TTN: variants seen among roughly 807,000 people sequenced by gnomAD.
TTN encodes connectin.
In TTN, 1,525 loss-of-function variants were observed where a neutral mutation model predicts 3,223.0. The observed-to-expected ratio is 0.47, with a 90% confidence interval of 0.45 to 0.49. The LOEUF is 0.49. Ranked by LOEUF, TTN falls within the 20% of genes least tolerant of loss-of-function variation. The pLI, the probability that TTN is intolerant of heterozygous loss-of-function variation, is 0.00. For missense variants in TTN, 40,786 were observed against 43,424.0 expected, an observed-to-expected ratio of 0.94 and a Z score of 5.40; for synonymous variants, 14,094 against 15,161.0, an observed-to-expected ratio of 0.93 and a Z score of 5.17.
chr2:178,784,044 G>T, intron 16 of TTN, 26 bp downstream of exon 16: 1 of 1,611,832 alleles, frequency 6.2e-7, no homozygotes, highest in Non-Finnish European at 8.5e-7. Flanking sequence ...AGTGGACCAT[G>T]TAACAGCGGG....
At position 178,778,932 on chromosome 2, in the gene TTN, C is replaced by G. The variant is rs144609506; in HGVS notation, c.4150G>C (p.Ala1384Pro). Residue 1384 changes from alanine (A) to proline (P), a missense_variant, in exon 24 of 363, where the codon GCT (alanine) becomes CCT (proline). Ala to Pro is a conservative substitution (Grantham distance 27). Transcript: ENST00000589042. The part of the protein sequence containing the change: ...ICSGKLYVEP[A>P]APLGAPTYIP... ...TAAGTCGGAGCTCCAAGTGGTGCAG[C>G]AGGCTCCACATACAATTTCCCTGAG... The G allele has an allele frequency of 6.2e-7, 1 of 1,613,896 alleles. No homozygotes were observed. The highest frequency in any genetic ancestry group is 1.7e-5 in the Admixed American group (1 of 59,996).
Position 178,612,766 on chromosome 2 carries a change from G to A in TTN, c.49948+7C>T. 8 of 1,605,776 alleles carry A rather than the reference G, an allele frequency of 5.0e-6. No homozygotes were observed. The South Asian group carries it at 7.8e-5, about 16-fold the overall frequency. ...TTTATATATCCCAGACATCAAGAGTGACTTACATAGCTTCTCCCGGCAAAG... is the reference window on the plus strand; with the variant it reads ...TTTATATATCCCAGACATCAAGAGTAACTTACATAGCTTCTCCCGGCAAAG... On this transcript the variant is annotated splice_region_variant and intron_variant, in intron 265 of 362. Coordinates refer to ENST00000589042, the MANE Select transcript of TTN (RefSeq NM_001267550.2).
intron 78 of TTN, 108 bp downstream of exon 78, chr2:178,721,739 C>T (rs1348974567): frequency 3.2e-6 from 4 of 1,232,760 alleles, no homozygotes; most frequent in African/African-American, 1.5e-5. Context: ...CAAATTCTAA[C>T]ATGTCCAGTT....
In TTN at chr2:178,678,400, A is replaced by C. The variant is rs370358852; in HGVS notation, c.33910+14T>G. 3.2e-6 allele frequency: 5 copies of C among 1,574,962 alleles called. No individual in the cohort carries two copies. In the African/African-American group the frequency reaches 6.8e-5, roughly 21 times the overall value. ...TTTTTTCCCCCAAGTACTCTAAGTGATGAAATTATGTACCTTTTGCAGGTG... is the reference window on the plus strand; with the variant it reads ...TTTTTTCCCCCAAGTACTCTAAGTGCTGAAATTATGTACCTTTTGCAGGTG... On this transcript the variant is annotated intron_variant, in intron 144 of 362. Coordinates refer to ENST00000589042, the MANE Select transcript of TTN (RefSeq NM_001267550.2).
At position 178,564,514 on chromosome 2, in the gene TTN, A is replaced by T; in HGVS notation, c.81618T>A (p.Ile27206=). The T allele has an allele frequency of 6.2e-7, 1 of 1,612,720 alleles. No homozygotes were observed. Among genetic ancestry groups the T allele is most frequent in the Non-Finnish European group, 8.5e-7 (1 of 1,179,302 alleles). The change falls in exon 326 of 363, where the codon ATT becomes ATA. Residue 27206 remains isoleucine (I), a synonymous_variant. Coordinates refer to ENST00000589042, the MANE Select transcript of TTN (RefSeq NM_001267550.2). ...CATCAGGTAGATCTTTCTTTTCTAC[A>T]ATATAACCTGTTATTTTGCTACCAC... ...YDGGSKITGY[I]VEKKDLPDGR... is the part of the protein sequence containing the mutation.
At position 178,578,958 on chromosome 2, in the gene TTN, C is replaced by T; in HGVS notation, c.68072G>A (p.Trp22691Ter). 2 of 1,613,190 alleles carry T rather than the reference C, an allele frequency of 1.2e-6. No homozygotes were observed. Among genetic ancestry groups the T allele is most frequent in the Non-Finnish European group, 1.7e-6 (2 of 1,179,482 alleles). The change falls in exon 320 of 363, where the codon TGG (tryptophan) becomes TAG (stop). Residue 22691 changes from tryptophan (W) to a stop codon, truncating the protein, a stop_gained. Coordinates refer to ENST00000589042, the MANE Select transcript of TTN (RefSeq NM_001267550.2). LOFTEE classifies it high-confidence loss of function. ...CTGGACAGCTGAGGCGCACGTCACC[C>T]ACTTGTTGTTCACAGAATCCCTCTT... ...LEKRDSVNNK[W>*]VTCASAVQKT...
chr2:178,546,674 A>G lies in TTN; in HGVS notation c.94754T>C (p.Leu31585Ser). The G allele has an allele frequency of 6.2e-7, 1 of 1,613,780 alleles. No homozygotes were observed. The highest frequency in any genetic ancestry group is 1.1e-5 in the South Asian group (1 of 91,072). Residue 31585 changes from leucine to serine, a missense_variant, in exon 341 of 363, where the codon TTA becomes TCA. Transcript: ENST00000589042. ...AATTACGCCTGCTGCATTCTTGGCTAACACACGGAACTCATAAGTGTCTCC... is the reference window on the plus strand; with the variant it reads ...AATTACGCCTGCTGCATTCTTGGCTGACACACGGAACTCATAAGTGTCTCC... ...SEGDTYEFRV[L>S]AKNAAGVISK...
Position 178,618,388 on chromosome 2 carries a change from T to TA in TTN, c.47069dup (p.Gly15691ArgfsTer5). ...TGTCACGTCTTTCAACAACGTAACC[T>TA]ATGATTTTGCTTCCACCATCAGTTA... On this transcript the variant is annotated frameshift_variant, in exon 252 of 363. Transcript: ENST00000589042. LOFTEE classifies it high-confidence loss of function. 1 of 1,612,522 alleles carries TA rather than the reference T, an allele frequency of 6.2e-7. No homozygotes were observed. Among genetic ancestry groups the TA allele is most frequent in the Non-Finnish European group, 8.5e-7 (1 of 1,179,116 alleles).
In TTN at chr2:178,766,526, G is replaced by T. The variant is rs150569468; in HGVS notation, c.9558C>A (p.Ile3186=). ...DAHWYKDGIE[I]NFQVQERHKY... Reference sequence around the variant, plus strand: ...TGTGTCGTTCTTGAACTTGGAAATTGATTTCAATGCCATCTTTATACCAGT... The same window carrying T: ...TGTGTCGTTCTTGAACTTGGAAATTTATTTCAATGCCATCTTTATACCAGT... Residue 3186 remains isoleucine (I), a synonymous_variant, in exon 41 of 363, where the codon ATC becomes ATA. Coordinates refer to ENST00000589042, the MANE Select transcript of TTN (RefSeq NM_001267550.2). 6 of 1,613,912 alleles carry T rather than the reference G, an allele frequency of 3.7e-6. 1 individual carries two copies. The South Asian group carries it at 4.4e-5, about 12-fold the overall frequency.
chr2:178,797,747 A>G (rs1440883671), intron 6 of TTN, among the ~76,000 whole-genome samples: 1 of 152,140 alleles, frequency 6.6e-6, no homozygotes, highest in African/African-American at 2.4e-5. Context: ...ATTTTTTCAC[A>G]AGTGCTGTTT....
chr2:178,596,891 A>C (rs1327074352), intron 294 of TTN, among the ~76,000 whole-genome samples: 2 of 152,074 alleles, frequency 1.3e-5, no homozygotes, highest in African/African-American at 4.8e-5. Context: ...AGCCTCATAG[A>C]GTTCAACTCT....
intron 338 of TTN, 33 bp from the exon 339 acceptor site, chr2:178,549,506 A>T (rs1253399068): frequency 1.9e-6 from 3 of 1,592,802 alleles, no homozygotes. Flanking sequence ...CAAATCAATT[A>T]GATGCATTTG....
In TTN at chr2:178,569,880, TTATGTC is replaced by T; in HGVS notation, c.76246_76251del (p.Asp25416_Ile25417del). On this transcript the variant is annotated inframe_deletion, in exon 326 of 363. Coordinates refer to ENST00000589042, the MANE Select transcript of TTN (RefSeq NM_001267550.2). Reference sequence around the variant, plus strand: ...CAAGAAAGGAATACTGAAGATCTGGTTATGTCTATGACTTTGGGGTTGTTTGGGGGT... The same window carrying T: ...CAAGAAAGGAATACTGAAGATCTGGTTATGACTTTGGGGTTGTTTGGGGGT... 1 of 1,613,476 alleles carries T rather than the reference TTATGTC, an allele frequency of 6.2e-7. No homozygotes were observed. Among genetic ancestry groups the T allele is most frequent in the Non-Finnish European group, 8.5e-7 (1 of 1,179,612 alleles).
rs554652824 is a variant in TTN, at chr2:178,783,143, T to C, written c.2842-79A>G. On this transcript the variant is annotated intron_variant, in intron 17 of 362. Transcript: ENST00000589042. ...TTCTGTTTTGTAACAAATGTAGAGT[T>C]TGAACTTATGCATTTCAACTGCCAC... 1,983 of 1,545,864 alleles carry C rather than the reference T, an allele frequency of 1.3e-3. 8 individuals carry two copies. Among genetic ancestry groups the C allele is most frequent in the Non-Finnish European group, 1.2e-3 (1,369 of 1,126,050 alleles).
At position 178,595,490 on chromosome 2, in the gene TTN, T is replaced by C; in HGVS notation, c.57847+17A>G. 6.5e-7 allele frequency: 1 copy of C among 1,538,796 alleles called. No homozygotes were observed. Among genetic ancestry groups the C allele is most frequent in the Non-Finnish European group, 8.8e-7 (1 of 1,140,686 alleles). On this transcript the variant is annotated intron_variant, in intron 295 of 362. Transcript: ENST00000589042. ...GTAAAGAAGTGATTAAGTATACATT[T>C]TTTTTTTTTTACTTACTTATTGGCT...
Position 178,595,744 on chromosome 2 carries a change from T to G in TTN, c.57610A>C (p.Thr19204Pro). ...HNLTNESCKL[T>P]WFSPEDDGGS... ...CCATCATCTTCTGGAGAAAACCATG[T>G]CAGTTTGCAGGACTCATTGGTTAGG... The change falls in exon 295 of 363, where the codon ACA becomes CCA. Residue 19204 changes from threonine (T) to proline (P), a missense_variant. Transcript: ENST00000589042. The G allele has an allele frequency of 6.2e-7, 1 of 1,609,608 alleles. No individual in the cohort carries two copies. Among genetic ancestry groups the G allele is most frequent in the Non-Finnish European group, 8.5e-7 (1 of 1,178,094 alleles).
chr2:178,778,940 A>G lies in TTN; in HGVS notation c.4142T>C (p.Val1381Ala), dbSNP rs794729252. The change falls in exon 24 of 363, where the codon GTG (valine) becomes GCG (alanine). Residue 1381 changes from valine (V) to alanine (A), a missense_variant. Val to Ala is a moderately conservative substitution (Grantham distance 64, BLOSUM62 0). Transcript: ENST00000589042. ...AGCTCCAAGTGGTGCAGCAGGCTCC[A>G]CATACAATTTCCCTGAGCAAATTGC... ...GNAICSGKLYVEPAAPLGAPT... is the reference protein window; with the variant it reads ...GNAICSGKLYAEPAAPLGAPT... 5 of 1,613,914 alleles carry G rather than the reference A, an allele frequency of 3.1e-6. No homozygotes were observed. Among genetic ancestry groups the G allele is most frequent in the Admixed American group, 3.3e-5 (2 of 60,000 alleles).
chr2:178,549,382 G>A lies in TTN; in HGVS notation c.92244C>T (p.Gly30748=), dbSNP rs771021325. 2 of 1,613,760 alleles carry A rather than the reference G, an allele frequency of 1.2e-6. No individual in the cohort carries two copies. Among genetic ancestry groups the A allele is most frequent in the Admixed American group, 3.3e-5 (2 of 59,996 alleles). ...LTWARPESDG[G]SEIQQYILER... ...CAAGGATATACTGTTGAATTTCACT[G>A]CCACCATCTGATTCTGGCCTTGCCC... is the stretch of plus-strand genomic sequence containing the variant. The change falls in exon 339 of 363, where the codon GGC becomes GGT. Residue 30748 remains glycine, a synonymous_variant. Transcript: ENST00000589042.
intron 164 of TTN, 30 bp from the exon 165 acceptor site, chr2:178,665,490 G>A: frequency 6.2e-7 from 1 of 1,603,620 alleles, no homozygotes; most frequent in Non-Finnish European, 8.5e-7. Context: ...ATGGTTAGAG[G>A]TTAAAAGGAT....
Sources: gnomAD v4.1 joint callset for allele counts (sites outside exome capture counted in the v4.1 genomes callset) on GRCh38, gnomAD v4.1.1 for gene constraint, MANE v1.5 for transcripts, NCBI Gene and HGNC (gene_info 2026-07-23, HGNC 2026-07-21) for gene names.